Variants in GARRE1 observed in about 807,000 individuals in gnomAD.
GARRE1 encodes the protein granule associated Rac and RHOG effector protein 1.
Under a neutral mutation model 103.2 loss-of-function variants are expected in GARRE1, and 49 were observed. That is an observed-to-expected ratio of 0.47 (90% confidence interval 0.38 to 0.60). GARRE1 has a LOEUF of 0.60. Ranked by LOEUF, GARRE1 falls within the 20% of genes least tolerant of loss-of-function variation. The probability of loss-of-function intolerance (pLI) is 0.00; values close to 1 mark genes in which losing one functional copy is unlikely to be tolerated. For missense variants in GARRE1, 1,199 were observed against 1,370.5 expected (o/e 0.87, Z 1.98); for synonymous variants, 505 against 532.8 (o/e 0.95, Z 0.72).
chr19:34,303,439 C>G (rs951566922), intron 2 of GARRE1, among the ~76,000 whole-genome samples: 4 of 152,190 alleles, frequency 2.6e-5, no homozygotes, highest in Non-Finnish European at 5.9e-5. Context: ...AGTAACACAA[C>G]TAATTTTTAC....
chr19:34,352,845 C>A lies in GARRE1; in HGVS notation c.3103C>A (p.Gln1035Lys). 6.2e-7 allele frequency: 1 copy of A among 1,602,712 alleles called. No homozygotes were observed. Among genetic ancestry groups the A allele is most frequent in the Non-Finnish European group, 8.5e-7 (1 of 1,174,354 alleles). The change falls in exon 14 of 14, where the codon CAG becomes AAG. Residue 1035 changes from glutamine to lysine, a missense_variant. Gln to Lys is a moderately conservative substitution (Grantham distance 53, BLOSUM62 1). Coordinates refer to ENST00000299505, the MANE Select transcript of GARRE1 (RefSeq NM_014686.5). ...DCSAAAFSYV[Q>K]TPPQPPPPPA... Reference sequence around the variant, plus strand: ...CAGTGCCGCTGCCTTCTCCTATGTGCAGACCCCACCCCAGCCCCCACCCCC... The same window carrying A: ...CAGTGCCGCTGCCTTCTCCTATGTGAAGACCCCACCCCAGCCCCCACCCCC...
At chr19:34,295,774 T>G (rs887525680) in intron 1 of GARRE1, among the ~76,000 whole-genome samples, 1 of 152,150 alleles carries the variant, frequency 6.6e-6, no homozygotes, top group African/African-American at 2.4e-5. Context: ...CAAGCGATCC[T>G]CTTGTCTCAG....
At chr19:34,350,612 C>T (rs539681110) in intron 12 of GARRE1, among the ~76,000 whole-genome samples, 4 of 152,246 alleles carry the variant, frequency 2.6e-5, no homozygotes, top group African/African-American at 7.2e-5. Context: ...GACGGAGTCT[C>T]GCTCTGTTGC....
chr19:34,323,295 T>C (rs975979508), intron 3 of GARRE1, among the ~76,000 whole-genome samples: 1 of 152,158 alleles, frequency 6.6e-6, no homozygotes, highest in African/African-American at 2.4e-5. Context: ...CCTCCCAAAG[T>C]GCTGGGATTA....
At chr19:34,284,827 A>C (rs2073876628) in intron 1 of GARRE1, among the ~76,000 whole-genome samples, 1 of 152,244 alleles carries the variant, frequency 6.6e-6, no homozygotes, top group Non-Finnish European at 1.5e-5. Flanking sequence ...CAGGCAGATA[A>C]ATATGAGGGT....
chr19:34,306,353 C>T (rs192979075), intron 2 of GARRE1, among the ~76,000 whole-genome samples: 4 of 152,340 alleles, frequency 2.6e-5, no homozygotes, highest in Admixed American at 2.6e-4. Flanking sequence ...GATCCTGTCC[C>T]CTTGCCATGT....
intron 1 of GARRE1, among the ~76,000 whole-genome samples, chr19:34,283,467 A>G (rs1206113304): frequency 1.3e-5 from 2 of 152,170 alleles, no homozygotes; most frequent in Admixed American, 6.5e-5. Flanking sequence ...GAATGATAAT[A>G]TCATCATCAT....
At chr19:34,320,767 G>T (rs2074083622) in intron 3 of GARRE1, among the ~76,000 whole-genome samples, 1 of 150,688 alleles carries the variant, frequency 6.6e-6, no homozygotes, top group African/African-American at 2.4e-5. Context: ...TGTTGCCCAG[G>T]CTGAAGTGCA....
At position 34,300,651 on chromosome 19, in the gene GARRE1, G is replaced by C; in HGVS notation, c.178G>C (p.Ala60Pro). The C allele has an allele frequency of 6.2e-7, 1 of 1,613,842 alleles. No individual in the cohort carries two copies. The highest frequency in any genetic ancestry group is 1.1e-5 in the South Asian group (1 of 91,078). Residue 60 changes from alanine (A) to proline (P), a missense_variant, in exon 2 of 14, where the codon GCA becomes CCA. Ala to Pro is a conservative substitution (Grantham distance 27). Transcript: ENST00000299505. ...TTAPLGSLTAAGSCHHAMPHT... is the reference protein window; with the variant it reads ...TTAPLGSLTAPGSCHHAMPHT... The stretch of plus-strand genomic sequence containing the variant: ...TGCCCCCCTGGGCAGTCTGACCGCT[G>C]CAGGCAGCTGCCACCATGCCATGCC...
At chr19:34,350,116 CAGGGTATG>C (rs1315162200) in intron 12 of GARRE1, among the ~76,000 whole-genome samples, 3 of 152,096 alleles carry the variant, frequency 2.0e-5, no homozygotes, top group East Asian at 3.9e-4. Flanking sequence ...GAAAATAAAG[CAGGGTATG>C]AGGGTAGTAA....
chr19:34,342,303 G>C lies in GARRE1; in HGVS notation c.2369G>C (p.Ser790Thr). ...TCTGATCTCAGTTCTGACTTGTACA[G>C]CTTGGGTCTGGTGAGCAGCTATATG... ...GISDLSSDLYSLGLVSSYMDN... is the reference protein window; with the variant it reads ...GISDLSSDLYTLGLVSSYMDN... Residue 790 changes from serine to threonine, a missense_variant, in exon 10 of 14, where the codon AGC becomes ACC. By Grantham distance (58) the Ser-to-Thr change is moderately conservative. Coordinates refer to ENST00000299505, the MANE Select transcript of GARRE1 (RefSeq NM_014686.5). 2 of 1,614,206 alleles carry C rather than the reference G, an allele frequency of 1.2e-6. No individual in the cohort carries two copies. Among genetic ancestry groups the C allele is most frequent in the South Asian group, 1.1e-5 (1 of 91,082 alleles).
intron 1 of GARRE1, among the ~76,000 whole-genome samples, chr19:34,260,010 C>A (rs2073705908): frequency 6.6e-6 from 1 of 152,208 alleles, no homozygotes; most frequent in Non-Finnish European, 1.5e-5. Flanking sequence ...CCTCCCAGCC[C>A]TGGGGAACTG....
chr19:34,331,285 G>A (rs1396985127), intron 7 of GARRE1, among the ~76,000 whole-genome samples: 1 of 152,036 alleles, frequency 6.6e-6, no homozygotes, highest in African/African-American at 2.4e-5. Context: ...TACATTGGAT[G>A]TCTGTTGCTC....
chr19:34,317,998 G>A (rs1198367027), intron 2 of GARRE1, among the ~76,000 whole-genome samples: 1 of 152,214 alleles, frequency 6.6e-6, no homozygotes, highest in Admixed American at 6.5e-5. Flanking sequence ...GGTGTGAGTG[G>A]AAGCCCAGGA....
At chr19:34,327,923 T>A in intron 5 of GARRE1, 57 bp downstream of exon 5, 3 of 1,613,256 alleles carry the variant, frequency 1.9e-6, no homozygotes, top group Non-Finnish European at 2.5e-6. Context: ...TGCAGTCTAG[T>A]GTGAACCAAG....
chr19:34,331,112 G>C (rs181188583), intron 7 of GARRE1, among the ~76,000 whole-genome samples: 1 of 151,806 alleles, frequency 6.6e-6, no homozygotes, highest in African/African-American at 2.4e-5. Flanking sequence ...TGTTGGCCAG[G>C]CTGGTCTCGA....
intron 10 of GARRE1, among the ~76,000 whole-genome samples, chr19:34,345,345 C>T (rs1220643712): frequency 6.6e-6 from 1 of 152,226 alleles, no homozygotes; most frequent in South Asian, 2.1e-4. Flanking sequence ...AACCCTTGTG[C>T]CTGCAACCCT....
chr19:34,297,446 A>G (rs568211384), intron 1 of GARRE1, among the ~76,000 whole-genome samples: 2 of 152,336 alleles, frequency 1.3e-5, no homozygotes, highest in South Asian at 2.1e-4. Flanking sequence ...AGGTAAGCAT[A>G]TAGGTCTCAC....
chr19:34,274,429 G>GCCT, intron 1 of GARRE1, among the ~76,000 whole-genome samples: 2 of 152,254 alleles, frequency 1.3e-5, no homozygotes, highest in Non-Finnish European at 2.9e-5. Flanking sequence ...GGATAAGACT[G>GCCT]TGATTAATTG....
Sources: allele counts gnomAD v4.1 joint callset (sites outside exome capture counted in the v4.1 genomes callset), GRCh38; gene constraint gnomAD v4.1.1; transcripts MANE v1.5; gene names NCBI Gene and HGNC (gene_info 2026-07-23, HGNC 2026-07-21).